Variants in ERBB4 observed in about 807,000 individuals in gnomAD.
ERBB4 encodes erb-b2 receptor tyrosine kinase 4, also known as receptor tyrosine-protein kinase erbB-4.
A neutral mutation model predicts 158.0 loss-of-function variants in ERBB4; 42 were observed. That is an observed-to-expected ratio of 0.27 (90% CI 0.21 to 0.34). ERBB4 has a LOEUF of 0.34. ERBB4 is among the 10% of genes least tolerant of loss of function. The pLI is 1.00. For missense variants in ERBB4, 1,333 were observed against 1,624.1 expected, an observed-to-expected ratio of 0.82 and a Z score of 3.08; for synonymous variants, 583 against 558.7, an observed-to-expected ratio of 1.04 and a Z score of -0.61.
chr2:212,048,327 T>A (rs530200156), intron 2 of ERBB4, among the ~76,000 whole-genome samples: 2 of 152,330 alleles, frequency 1.3e-5, no homozygotes, highest in South Asian at 4.1e-4. Flanking sequence ...GTTTTCACAG[T>A]CTTAATCATA....
At chr2:212,305,613 A>G (rs1251359528) in intron 1 of ERBB4, among the ~76,000 whole-genome samples, 1 of 151,384 alleles carries the variant, frequency 6.6e-6, no homozygotes, top group Non-Finnish European at 1.5e-5. Flanking sequence ...AAACATTTCC[A>G]GTATGCCTCA....
At chr2:211,717,097 T>C (rs1415134247) in intron 7 of ERBB4, among the ~76,000 whole-genome samples, 3 of 152,114 alleles carry the variant, frequency 2.0e-5, no homozygotes, top group Admixed American at 2.0e-4. Context: ...CCTAAGGACT[T>C]GAATAAAAGG....
At chr2:212,369,159 A>G (rs531000793) in intron 1 of ERBB4, among the ~76,000 whole-genome samples, 13 of 152,306 alleles carry the variant, frequency 8.5e-5, no homozygotes, top group African/African-American at 2.9e-4. Context: ...TTATTTGCCA[A>G]AATTAAAAGG....
intron 20 of ERBB4, among the ~76,000 whole-genome samples, chr2:211,493,953 A>G (rs767342887): frequency 4.0e-4 from 61 of 152,142 alleles, no homozygotes; most frequent in Non-Finnish European, 8.7e-4. Flanking sequence ...AAAGACCCTA[A>G]TTTATAGCAT....
chr2:212,284,198 T>C (rs567660860), intron 1 of ERBB4, among the ~76,000 whole-genome samples: 35 of 152,242 alleles, frequency 2.3e-4, no homozygotes, highest in Non-Finnish European at 3.5e-4. Flanking sequence ...AAACTCCATC[T>C]GAGTCTCTAA....
chr2:212,406,902 G>C (rs971628230), intron 1 of ERBB4, among the ~76,000 whole-genome samples: 2 of 151,948 alleles, frequency 1.3e-5, no homozygotes, highest in African/African-American at 4.8e-5. Context: ...TTAGGTCTCT[G>C]AACATGCCAT....
intron 4 of ERBB4, among the ~76,000 whole-genome samples, chr2:211,778,050 T>C (rs59779307): frequency 0.36 from 55,111 of 151,978 alleles, 10,391 homozygotes; most frequent in South Asian, 0.57. Context: ...TAGTTAACAG[T>C]TAAACCCCCT....
At chr2:211,669,276 C>G (rs1469257343) in intron 14 of ERBB4, among the ~76,000 whole-genome samples, 1 of 135,752 alleles carries the variant, frequency 7.4e-6, no homozygotes, top group East Asian at 2.2e-4. Flanking sequence ...ATGTACTTTA[C>G]ATGAAAAAAA....
chr2:211,953,652 TG>T (rs989363218), intron 2 of ERBB4, among the ~76,000 whole-genome samples: 8 of 151,966 alleles, frequency 5.3e-5, no homozygotes, highest in African/African-American at 1.9e-4. Context: ...TAAAACTGAT[TG>T]ATTTCCATTG....
At chr2:211,969,734 G>T (rs550574859) in intron 2 of ERBB4, among the ~76,000 whole-genome samples, 23 of 152,008 alleles carry the variant, frequency 1.5e-4, no homozygotes, top group Non-Finnish European at 3.1e-4. Flanking sequence ...TGTGGGGTCA[G>T]TGGTAATATT....
At chr2:212,345,315 A>G (rs115161932) in intron 1 of ERBB4, among the ~76,000 whole-genome samples, 2,558 of 150,658 alleles carry the variant, frequency 0.017, 41 homozygotes, top group South Asian at 0.027. Context: ...TGAGTCATCA[A>G]ATTTAGCTAT....
At chr2:212,263,420 C>A (rs958187815) in intron 1 of ERBB4, among the ~76,000 whole-genome samples, 8 of 151,940 alleles carry the variant, frequency 5.3e-5, no homozygotes, top group African/African-American at 9.7e-5. Context: ...TTTTTATATG[C>A]GTGCCTAAAA....
intron 20 of ERBB4, among the ~76,000 whole-genome samples, chr2:211,543,230 G>C (rs970779778): frequency 2.6e-5 from 4 of 151,856 alleles, no homozygotes; most frequent in African/African-American, 9.7e-5. Context: ...CAAAAAATAA[G>C]GCACTATTTC....
At chr2:211,677,369 A>G in intron 13 of ERBB4, among the ~76,000 whole-genome samples, 1 of 151,282 alleles carries the variant, frequency 6.6e-6, no homozygotes, top group Admixed American at 6.6e-5. Context: ...GTTCGAGACT[A>G]GCCTGACCAA....
intron 3 of ERBB4, among the ~76,000 whole-genome samples, chr2:211,880,640 C>A (rs1436004881): frequency 2.6e-5 from 4 of 152,052 alleles, no homozygotes; most frequent in Non-Finnish European, 5.9e-5. Context: ...GCCCTAGGAA[C>A]CATTAAGACA....
At chr2:212,536,206 G>A (rs1208318309) in intron 1 of ERBB4, among the ~76,000 whole-genome samples, 2 of 151,918 alleles carry the variant, frequency 1.3e-5, no homozygotes, top group South Asian at 2.1e-4. Context: ...CACATACATA[G>A]GCACAAACAC....
intron 2 of ERBB4, among the ~76,000 whole-genome samples, chr2:211,953,157 C>T (rs1220248381): frequency 1.3e-5 from 2 of 151,882 alleles, no homozygotes; most frequent in Non-Finnish European, 2.9e-5. Context: ...ATTTTATGAA[C>T]TTGCCACTAA....
chr2:211,510,447 G>C (rs1385389801), intron 20 of ERBB4, among the ~76,000 whole-genome samples: 1 of 152,044 alleles, frequency 6.6e-6, no homozygotes. Flanking sequence ...AAACCTGCAT[G>C]TGTGTCCCCT....
chr2:211,783,579 G>C (rs1220923882), intron 4 of ERBB4, among the ~76,000 whole-genome samples: 2 of 152,138 alleles, frequency 1.3e-5, no homozygotes, highest in African/African-American at 2.4e-5. Context: ...TAGTATGAAG[G>C]GCTGTTGAAT....
Sources: gnomAD v4.1 joint callset for allele counts (sites outside exome capture counted in the v4.1 genomes callset) on GRCh38, gnomAD v4.1.1 for gene constraint, MANE v1.5 for transcripts, NCBI Gene and HGNC (gene_info 2026-07-23, HGNC 2026-07-21) for gene names.